TMEFF1: variants seen among roughly 807,000 people sequenced by gnomAD.
TMEFF1 encodes the protein tomoregulin-1.
TMEFF1 carries 20 observed loss-of-function variants against 47.5 expected under a neutral mutation model. The ratio of observed to expected loss-of-function variants is 0.42; its 90% confidence interval spans 0.30 to 0.61. The LOEUF is 0.61. Among genes scored for constraint, TMEFF1 ranks in the 20% least tolerant of loss-of-function variants. The pLI is 0.19. For missense variants in TMEFF1, 411 were observed against 471.1 expected, an observed-to-expected ratio of 0.87 and a Z score of 1.18; for synonymous variants, 162 against 166.3, an observed-to-expected ratio of 0.97 and a Z score of 0.20.
chr9:100,527,498 G>A (rs1016015050), intron 5 of TMEFF1, among the ~76,000 whole-genome samples: 4 of 152,148 alleles, frequency 2.6e-5, no homozygotes, highest in East Asian at 1.9e-4. Context: ...CTGGAAAATC[G>A]GGTCACTCCC....
intron 1 of TMEFF1, among the ~76,000 whole-genome samples, chr9:100,480,624 G>C (rs1837322345): frequency 6.6e-6 from 1 of 152,130 alleles, no homozygotes; most frequent in Non-Finnish European, 1.5e-5. Flanking sequence ...AAGGAAAATG[G>C]ACATTGTAGA....
intron 5 of TMEFF1, among the ~76,000 whole-genome samples, chr9:100,545,849 A>C (rs2118503737): frequency 6.6e-6 from 1 of 152,332 alleles, no homozygotes; most frequent in African/African-American, 2.4e-5. Flanking sequence ...TCTCTAGGGC[A>C]GGGGCAAAAT....
At chr9:100,511,529 A>G (rs1203994853) in intron 3 of TMEFF1, among the ~76,000 whole-genome samples, 1 of 152,194 alleles carries the variant, frequency 6.6e-6, no homozygotes, top group Non-Finnish European at 1.5e-5. Context: ...CTGAGTGGGC[A>G]GTGTTTTATG....
rs548407942 is a variant in TMEFF1, at chr9:100,544,447, C to CA, written c.561-3296dup. 8.6e-4 allele frequency among the ~76,000 whole-genome samples: 131 copies of CA among 152,278 alleles called. 2 individuals carry two copies. The East Asian group carries it at 0.023, about 27-fold the overall frequency. ...TAAAACCATCAGATCTTGTGAGACT[C>CA]ATTCACTATCATGAGAGCAGCACAG... is the stretch of plus-strand genomic sequence containing the variant. On this transcript the variant is annotated intron_variant, in intron 5 of 9. Transcript: ENST00000374879.
At chr9:100,505,016 T>C (rs1228087873) in intron 2 of TMEFF1, among the ~76,000 whole-genome samples, 1 of 152,202 alleles carries the variant, frequency 6.6e-6, no homozygotes, top group East Asian at 1.9e-4. Context: ...TAATTTATAA[T>C]AAAATAAATA....
chr9:100,478,407 G>C (rs1340147473), intron 1 of TMEFF1, among the ~76,000 whole-genome samples: 2 of 152,136 alleles, frequency 1.3e-5, no homozygotes, highest in Non-Finnish European at 2.9e-5. Context: ...TGCAGCCTCA[G>C]CTTCTTGGGC....
chr9:100,526,352 G>A (rs1838252911), intron 5 of TMEFF1, among the ~76,000 whole-genome samples: 1 of 151,840 alleles, frequency 6.6e-6, no homozygotes, highest in African/African-American at 2.4e-5. Flanking sequence ...TTAGTTATTT[G>A]ATGATTTCCC....
Position 100,516,731 on chromosome 9 carries a change from A to C in TMEFF1, c.520A>C (p.Lys174Gln). Residue 174 changes from lysine (K) to glutamine (Q), a missense_variant, in exon 5 of 10, where the codon AAA becomes CAA. Transcript: ENST00000374879. ...HRKHSKCGPC[K>Q]YKAECDEDAE... is the part of the protein sequence containing the mutation. ...AAAACACTCCAAGTGTGGACCCTGC[A>C]AATATAAAGCTGAGTGTGATGAAGA... 6.2e-7 allele frequency: 1 copy of C among 1,613,924 alleles called. No homozygotes were observed. The highest frequency in any genetic ancestry group is 8.5e-7 in the Non-Finnish European group (1 of 1,179,918).
chr9:100,565,094 C>A (rs1433134456), intron 8 of TMEFF1, among the ~76,000 whole-genome samples: 2 of 152,054 alleles, frequency 1.3e-5, no homozygotes, highest in Non-Finnish European at 2.9e-5. Context: ...TGTGGGATAT[C>A]CGCTTACAGA....
At position 100,473,525 on chromosome 9, in the gene TMEFF1, GC is replaced by G; in HGVS notation, c.-18del. 7.1e-7 allele frequency: 1 copy of G among 1,407,540 alleles called. No homozygotes were observed. Among genetic ancestry groups the G allele is most frequent in the African/African-American group, 1.5e-5 (1 of 66,274 alleles). The allele number at this position is 1,407,540 out of a possible 1,614,324, so 87.2% of individuals were successfully genotyped here. On this transcript the variant is annotated 5_prime_UTR_variant, in exon 1 of 10. Coordinates refer to ENST00000374879, the MANE Select transcript of TMEFF1 (RefSeq NM_003692.5). This position sits in a 1 kb window ranked among gnomAD's most constrained non-coding sequence, Gnocchi z 5.4. ...CGGCCTGCGGCTCCCTGCGCTTCCC[GC>G]CGTCCAGGGGCACCAGTCATGGGCG...
chr9:100,482,302 A>T (rs995901093), intron 1 of TMEFF1, among the ~76,000 whole-genome samples: 1 of 151,440 alleles, frequency 6.6e-6, no homozygotes, highest in Non-Finnish European at 1.5e-5. Flanking sequence ...GGTTCAAGCG[A>T]TTCTCCTGCC....
At chr9:100,491,254 C>G (rs1837547092) in intron 1 of TMEFF1, among the ~76,000 whole-genome samples, 1 of 152,102 alleles carries the variant, frequency 6.6e-6, no homozygotes, top group Admixed American at 6.6e-5. Context: ...TGTTCAAGAA[C>G]AAACTGGCCT....
At chr9:100,537,831 A>T (rs955572450) in intron 5 of TMEFF1, among the ~76,000 whole-genome samples, 3 of 151,732 alleles carry the variant, frequency 2.0e-5, no homozygotes, top group Admixed American at 1.3e-4. Context: ...GGCTAACTTT[A>T]TTTTCTTTGG....
chr9:100,510,172 C>A (rs1023221194), intron 3 of TMEFF1, among the ~76,000 whole-genome samples: 19 of 152,218 alleles, frequency 1.2e-4, no homozygotes, highest in Non-Finnish European at 2.6e-4. Context: ...GCTGTTCTCA[C>A]TTCTGACACC....
intron 8 of TMEFF1, among the ~76,000 whole-genome samples, chr9:100,569,600 G>A (rs1158975264): frequency 6.6e-6 from 1 of 151,902 alleles, no homozygotes; most frequent in African/African-American, 2.4e-5. Flanking sequence ...TCATATCTAA[G>A]AAACTGTTGC....
intron 2 of TMEFF1, among the ~76,000 whole-genome samples, chr9:100,502,848 T>G (rs544460076): frequency 2.6e-5 from 4 of 152,326 alleles, no homozygotes; most frequent in African/African-American, 9.6e-5. Flanking sequence ...GTTGACACCA[T>G]TAGACATTTA....
chr9:100,544,455 A>G (rs1197611535), intron 5 of TMEFF1, among the ~76,000 whole-genome samples: 1 of 152,202 alleles, frequency 6.6e-6, no homozygotes, highest in Admixed American at 6.5e-5. Flanking sequence ...CTCATTCACT[A>G]TCATGAGAGC....
chr9:100,479,493 C>T (rs1837299912), intron 1 of TMEFF1, among the ~76,000 whole-genome samples: 1 of 152,108 alleles, frequency 6.6e-6, no homozygotes. Flanking sequence ...TTCATCACCC[C>T]CAAAAGAAAC....
At chr9:100,485,181 A>T (rs559659124) in intron 1 of TMEFF1, among the ~76,000 whole-genome samples, 1 of 151,748 alleles carries the variant, frequency 6.6e-6, no homozygotes, top group African/African-American at 2.4e-5. Context: ...CATTTTGTTT[A>T]TCCATTCAGT....
Sources: allele counts gnomAD v4.1 joint callset (sites outside exome capture counted in the v4.1 genomes callset), GRCh38; gene constraint gnomAD v4.1.1; non-coding constraint Gnocchi (gnomAD v3.1); transcripts MANE v1.5; gene names NCBI Gene and HGNC (gene_info 2026-07-23, HGNC 2026-07-21).